ARHGEF7: variants seen among roughly 807,000 people sequenced by gnomAD.
The protein encoded by ARHGEF7 is Rho guanine nucleotide exchange factor 7, also known as PAK-interacting exchange factor beta.
Under a neutral mutation model 109.8 loss-of-function variants are expected in ARHGEF7, and 33 were observed. The observed-to-expected ratio is 0.30, with a 90% confidence interval of 0.23 to 0.40. The LOEUF (loss-of-function observed/expected upper bound fraction) is 0.40. Ranked by LOEUF, ARHGEF7 falls within the 10% of genes least tolerant of loss-of-function variation. ARHGEF7 has a pLI of 1.00. For missense variants in ARHGEF7, 938 were observed against 1,098.5 expected (o/e 0.85, Z 2.07); for synonymous variants, 458 against 424.6 (o/e 1.08, Z -0.97).
intron 2 of ARHGEF7, among the ~76,000 whole-genome samples, chr13:111,161,062 T>C (rs1432566962): frequency 6.6e-6 from 1 of 152,184 alleles, no homozygotes; most frequent in East Asian, 1.9e-4. Flanking sequence ...TTGGAGTGTT[T>C]TGGATTTTCA....
intron 5 of ARHGEF7, among the ~76,000 whole-genome samples, chr13:111,232,378 A>G (rs896442795): frequency 5.3e-5 from 8 of 152,074 alleles, no homozygotes; most frequent in African/African-American, 1.9e-4. Flanking sequence ...CCACCCGCAC[A>G]GCCAGCGATG....
At chr13:111,173,356 C>T (rs2153417336) in intron 2 of ARHGEF7, among the ~76,000 whole-genome samples, 1 of 152,334 alleles carries the variant, frequency 6.6e-6, no homozygotes, top group African/African-American at 2.4e-5. Flanking sequence ...CTTCCAGTCA[C>T]TTTTATCTTC....
chr13:111,298,808 G>A (rs1231709913), intron 19 of ARHGEF7, among the ~76,000 whole-genome samples: 72 of 152,214 alleles, frequency 4.7e-4, no homozygotes, highest in Non-Finnish European at 1.5e-5. Context: ...TAGCACAGTG[G>A]AGACACAACA....
intron 1 of ARHGEF7, among the ~76,000 whole-genome samples, chr13:111,128,408 GCCTGAA>G (rs1191486417): frequency 6.6e-6 from 1 of 152,122 alleles, no homozygotes; most frequent in Non-Finnish European, 1.5e-5. Context: ...CAGGAGAATC[GCCTGAA>G]CCTGGGAGTT....
chr13:111,215,324 G>A (rs981973253), intron 4 of ARHGEF7, among the ~76,000 whole-genome samples: 1 of 152,106 alleles, frequency 6.6e-6, no homozygotes, highest in African/African-American at 2.4e-5. Context: ...CTGCTCCTCC[G>A]TTGGTGCTTT....
chr13:111,156,169 C>G, intron 2 of ARHGEF7, among the ~76,000 whole-genome samples: 1 of 149,780 alleles, frequency 6.7e-6, no homozygotes, highest in East Asian at 2.0e-4. Flanking sequence ...CATACAGTAA[C>G]TATTGTTTTT....
chr13:111,290,368 T>C (rs1414958008), intron 18 of ARHGEF7, among the ~76,000 whole-genome samples: 2 of 152,254 alleles, frequency 1.3e-5, no homozygotes, highest in Non-Finnish European at 2.9e-5. Context: ...GCTATTTATA[T>C]GGCATTTACA....
intron 2 of ARHGEF7, among the ~76,000 whole-genome samples, chr13:111,178,065 C>T (rs1302220166): frequency 6.6e-6 from 1 of 152,214 alleles, no homozygotes; most frequent in Non-Finnish European, 1.5e-5. Context: ...CTCAGCTTGA[C>T]TGAGGCTAGT....
At chr13:111,194,609 A>G (rs540994713) in intron 2 of ARHGEF7, among the ~76,000 whole-genome samples, 8 of 152,240 alleles carry the variant, frequency 5.3e-5, no homozygotes, top group African/African-American at 1.4e-4. Context: ...GATCAGCTAG[A>G]AAGTTCAGGA....
At chr13:111,293,037 A>C (rs1425518316) in intron 19 of ARHGEF7, 1 of 985,160 alleles carries the variant, frequency 1.0e-6, no homozygotes, top group African/African-American at 1.8e-5. Flanking sequence ...TCAGATGTTC[A>C]CTCGCATCTT....
At chr13:111,267,451 G>T in intron 8 of ARHGEF7, 97 bp from the exon 9 acceptor site, 1 of 1,495,232 alleles carries the variant, frequency 6.7e-7, no homozygotes. Context: ...GGTGCAGAGG[G>T]AGGTTTTCCT....
At chr13:111,119,670 G>T (rs1166956328) in intron 1 of ARHGEF7, among the ~76,000 whole-genome samples, 1 of 152,168 alleles carries the variant, frequency 6.6e-6, no homozygotes, top group Non-Finnish European at 1.5e-5. Context: ...AGCCCTAGGT[G>T]ATTTTCCACA....
rs974326563 is a variant in ARHGEF7 at position 111,303,963 on chromosome 13, C to G, written c.*850C>G. On this transcript the variant is annotated 3_prime_UTR_variant, in exon 22 of 22. Coordinates refer to ENST00000646102, the MANE Select transcript of ARHGEF7 (RefSeq NM_001354046.2). ...GTTTTGTCTTCCCTCAAAGAGAGAT[C>G]TTACTAGAACCTGTAAATAGAATGT... 6.6e-6 allele frequency: 1 copy of G among 152,206 alleles called. No homozygotes were observed. Among genetic ancestry groups the G allele is most frequent in the Non-Finnish European group, 1.5e-5 (1 of 68,042 alleles). The allele number at this position is 152,206 out of a possible 1,614,324, so 9.4% of individuals were successfully genotyped here. A position where few individuals can be genotyped will look rare whatever the true frequency, so the allele number is the denominator to read the frequency against.
At chr13:111,222,807 A>G (rs1447954610) in intron 5 of ARHGEF7, among the ~76,000 whole-genome samples, 1 of 152,220 alleles carries the variant, frequency 6.6e-6, no homozygotes, top group Non-Finnish European at 1.5e-5. Context: ...GCAGTTAAGA[A>G]TAAAACTCTA....
rs1408142149 is a variant in ARHGEF7, at chr13:111,140,241, T to C, written c.166-13664T>C. Among the ~76,000 whole-genome samples the C allele has an allele frequency of 4.6e-5, 7 of 152,330 alleles. No homozygotes were observed. The East Asian group carries it at 1.4e-3, about 29-fold the overall frequency. ...CCAAACAGACCAAATATGCTGCAGC[T>C]GGAGCGTGTATTGTATAGTGCAGGG... On this transcript the variant is annotated intron_variant, in intron 1 of 21. Transcript: ENST00000646102.
In ARHGEF7 at chr13:111,154,010, G is replaced by A. The variant is rs758395225; in HGVS notation, c.252+19G>A. 1.1e-5 allele frequency: 17 copies of A among 1,591,374 alleles called. No individual in the cohort carries two copies. The highest frequency in any genetic ancestry group is 1.4e-5 in the Non-Finnish European group (17 of 1,172,724). On this transcript the variant is annotated intron_variant, in intron 2 of 21. Transcript: ENST00000646102. ...GCTGGAGGTGAGCGCGGGCGGCCACGGGCCGAGGGAGGGGCCGGGAAGACG... is the reference window on the plus strand; with the variant it reads ...GCTGGAGGTGAGCGCGGGCGGCCACAGGCCGAGGGAGGGGCCGGGAAGACG...
At chr13:111,218,421 A>G (rs2083402057) in intron 5 of ARHGEF7, among the ~76,000 whole-genome samples, 1 of 152,088 alleles carries the variant, frequency 6.6e-6, no homozygotes, top group Non-Finnish European at 1.5e-5. Context: ...TCCTCGGCAC[A>G]TGGCTATGGC....
chr13:111,248,441 A>G (rs902935591), intron 8 of ARHGEF7, among the ~76,000 whole-genome samples: 1 of 152,110 alleles, frequency 6.6e-6, no homozygotes, highest in Non-Finnish European at 1.5e-5. Context: ...ATTTGCGGGC[A>G]TTATTTCTTC....
upstream of ARHGEF7, chr13:111,114,730 G>C (rs1022484915): frequency 6.6e-6 from 1 of 152,214 alleles, no homozygotes; most frequent in East Asian, 1.9e-4. Flanking sequence ...AAGCGTCACC[G>C]TCCGTCTAGA....
Sources: allele counts gnomAD v4.1 joint callset (sites outside exome capture counted in the v4.1 genomes callset), GRCh38; gene constraint gnomAD v4.1.1; transcripts MANE v1.5; gene names NCBI Gene and HGNC (gene_info 2026-07-23, HGNC 2026-07-21).